CCDC181: variants seen among roughly 807,000 people sequenced by gnomAD.
CCDC181 encodes the protein coiled-coil domain-containing protein 181.
A neutral mutation model predicts 58.7 loss-of-function variants in CCDC181; 35 were observed. The ratio of observed to expected loss-of-function variants is 0.60; its 90% CI spans 0.46 to 0.79. The LOEUF (loss-of-function observed/expected upper bound fraction) is 0.79. Among genes scored for constraint, CCDC181 ranks in the 30% least tolerant of loss-of-function variants. The pLI is 0.00. For synonymous variants in CCDC181, 183 were observed against 197.5 expected (o/e 0.93, Z 0.62); for missense variants, 517 against 583.9 (o/e 0.89, Z 1.18).
intron 2 of CCDC181, among the ~76,000 whole-genome samples, chr1:169,453,298 G>A (rs185072592): frequency 3.9e-5 from 6 of 152,136 alleles, no homozygotes; most frequent in African/African-American, 1.4e-4. Flanking sequence ...ACAGCAGCAA[G>A]TCACCATGTC....
intron 4 of CCDC181, among the ~76,000 whole-genome samples, chr1:169,415,199 T>C (rs10919164): frequency 0.53 from 81,264 of 152,038 alleles, 22,572 homozygotes; most frequent in Non-Finnish European, 0.6. Context: ...TTATAATACT[T>C]GGAATGCCAT....
At chr1:169,445,645 T>C (rs899183044) in intron 2 of CCDC181, among the ~76,000 whole-genome samples, 5 of 152,192 alleles carry the variant, frequency 3.3e-5, no homozygotes, top group African/African-American at 1.2e-4. Context: ...GATGTCCTTA[T>C]AGAATGAGTC....
At chr1:169,398,528 C>G (rs1655173955) in intron 4 of CCDC181, among the ~76,000 whole-genome samples, 1 of 152,190 alleles carries the variant, frequency 6.6e-6, no homozygotes, top group Non-Finnish European at 1.5e-5. Flanking sequence ...GTATTTACTA[C>G]ATAGCAGGCA....
chr1:169,430,173 A>T (rs1473700694), upstream of CCDC181, among the ~76,000 whole-genome samples: 1 of 152,128 alleles, frequency 6.6e-6, no homozygotes, highest in Non-Finnish European at 1.5e-5. Flanking sequence ...TGCCAGTACC[A>T]TGATGTTTTA....
At chr1:169,399,467 C>T (rs971545439) in intron 4 of CCDC181, among the ~76,000 whole-genome samples, 4 of 152,064 alleles carry the variant, frequency 2.6e-5, no homozygotes, top group Admixed American at 1.3e-4. Flanking sequence ...AGGTAAATTA[C>T]AGCAGAACTA....
chr1:169,417,979 A>C (rs1376658074), intron 4 of CCDC181, among the ~76,000 whole-genome samples: 2 of 152,210 alleles, frequency 1.3e-5, no homozygotes, highest in Non-Finnish European at 2.9e-5. Context: ...AAATAAGATG[A>C]TAACCCACAT....
intron 4 of CCDC181, among the ~76,000 whole-genome samples, chr1:169,400,631 A>G (rs947135292): frequency 6.6e-6 from 1 of 152,224 alleles, no homozygotes; most frequent in Non-Finnish European, 1.5e-5. Flanking sequence ...GAACAGGTGA[A>G]TATAATGAAT....
chr1:169,422,415 G>C, intron 2 of CCDC181, 102 bp from the exon 3 acceptor site: 1 of 788,186 alleles, frequency 1.3e-6, no homozygotes, highest in East Asian at 2.7e-5. Flanking sequence ...TTATGAATGG[G>C]AAAATTTAAG....
chr1:169,445,548 G>C (rs1657350619), intron 2 of CCDC181, among the ~76,000 whole-genome samples: 1 of 152,106 alleles, frequency 6.6e-6, no homozygotes, highest in African/African-American at 2.4e-5. Flanking sequence ...CACTAATCTT[G>C]TTGAGGAGTT....
intron 4 of CCDC181, among the ~76,000 whole-genome samples, chr1:169,402,452 G>A (rs1256454903): frequency 6.6e-6 from 1 of 152,138 alleles, no homozygotes; most frequent in Non-Finnish European, 1.5e-5. Flanking sequence ...ACTAACAGCG[G>A]ATCTCTCGGC....
At chr1:169,417,564 T>G (rs1474741000) in intron 4 of CCDC181, among the ~76,000 whole-genome samples, 1 of 152,126 alleles carries the variant, frequency 6.6e-6, no homozygotes, top group East Asian at 1.9e-4. Flanking sequence ...TTGGGGATTT[T>G]TATAAAGGCT....
chr1:169,403,274 A>G (rs1397851682), intron 4 of CCDC181, among the ~76,000 whole-genome samples: 1 of 152,238 alleles, frequency 6.6e-6, no homozygotes, highest in Admixed American at 6.5e-5. Context: ...ATTAACAAGG[A>G]TATCAAGGAA....
At chr1:169,424,187 G>A (rs943336639) in intron 2 of CCDC181, among the ~76,000 whole-genome samples, 1 of 151,816 alleles carries the variant, frequency 6.6e-6, no homozygotes, top group Admixed American at 6.6e-5. Context: ...TAAAGAGAGA[G>A]AGAAATAACC....
At chr1:169,412,144 C>G (rs1655999588) in intron 4 of CCDC181, among the ~76,000 whole-genome samples, 1 of 152,104 alleles carries the variant, frequency 6.6e-6, no homozygotes, top group South Asian at 2.1e-4. Flanking sequence ...CATCTTAGCC[C>G]AAAATCTCCT....
chr1:169,437,991 A>G (rs1657103208), intron 2 of CCDC181, among the ~76,000 whole-genome samples: 1 of 152,156 alleles, frequency 6.6e-6, no homozygotes, highest in Non-Finnish European at 1.5e-5. Context: ...ATACAAAACT[A>G]AATAGAGAAA....
chr1:169,452,434 TTTTC>T (rs1398654536), intron 2 of CCDC181: 2 of 152,026 alleles, frequency 1.3e-5, no homozygotes, highest in African/African-American at 2.4e-5. Context: ...CTGACAGTTC[TTTTC>T]AAGGAGTTTT....
intron 4 of CCDC181, among the ~76,000 whole-genome samples, chr1:169,404,855 AG>A (rs1196126345): frequency 6.6e-6 from 1 of 152,226 alleles, no homozygotes; most frequent in Non-Finnish European, 1.5e-5. Context: ...AATTAGGAAA[AG>A]AGGAAGTCAA....
At chr1:169,403,217 A>G (rs758388272) in intron 4 of CCDC181, among the ~76,000 whole-genome samples, 1 of 152,204 alleles carries the variant, frequency 6.6e-6, no homozygotes, top group Non-Finnish European at 1.5e-5. Context: ...ATAATGGGAG[A>G]CTTTAACACC....
chr1:169,444,619 G>A (rs541882331), intron 2 of CCDC181, among the ~76,000 whole-genome samples: 1 of 152,208 alleles, frequency 6.6e-6, no homozygotes, highest in South Asian at 2.1e-4. Flanking sequence ...TTTAAAAATT[G>A]GGATTTTTTT....
Sources: gnomAD v4.1 joint callset for allele counts (sites outside exome capture counted in the v4.1 genomes callset) on GRCh38, gnomAD v4.1.1 for gene constraint, MANE v1.5 for transcripts, NCBI Gene and HGNC (gene_info 2026-07-23, HGNC 2026-07-21) for gene names.